The following ST13 variants were observed in gnomAD, a reference collection of about 807,000 sequenced individuals.
ST13 encodes the protein ST13 Hsp70 interacting protein.
ST13 carries 23 observed loss-of-function variants against 56.7 expected under a neutral mutation model. The ratio of observed to expected loss-of-function variants is 0.41; its 90% CI spans 0.29 to 0.57. The LOEUF is 0.57. Among genes scored for constraint, ST13 ranks in the 20% least tolerant of loss-of-function variants. The pLI, the probability that ST13 is intolerant of heterozygous loss-of-function variation, is 0.36. For synonymous variants in ST13, 132 were observed against 142.4 expected (o/e 0.93, Z 0.52); for missense variants, 369 against 459.9 (o/e 0.80, Z 1.81).
intron 3 of ST13, among the ~76,000 whole-genome samples, chr22:40,846,140 T>TA (rs2057830069): frequency 6.6e-6 from 1 of 152,152 alleles, no homozygotes; most frequent in Non-Finnish European, 1.5e-5. Flanking sequence ...TTCTCCATGT[T>TA]AGTCAGGCTG....
intron 5 of ST13, among the ~76,000 whole-genome samples, chr22:40,837,307 C>A (rs1228805082): frequency 6.6e-6 from 1 of 152,158 alleles, no homozygotes; most frequent in African/African-American, 2.4e-5. Context: ...ATGTTCAAAA[C>A]CTAAATTTTT....
chr22:40,856,281 C>T (rs1295693230), intron 1 of ST13, 150 bp downstream of exon 1: 2 of 674,474 alleles, frequency 3.0e-6, no homozygotes, highest in South Asian at 1.8e-5. Flanking sequence ...GGCTCGCGAT[C>T]TTCCATGACC....
intron 9 of ST13, among the ~76,000 whole-genome samples, chr22:40,830,546 A>C (rs1261720352): frequency 6.6e-6 from 1 of 152,228 alleles, no homozygotes; most frequent in Non-Finnish European, 1.5e-5. Context: ...TCCTCAAAAG[A>C]TCAAACAATA....
intron 7 of ST13, among the ~76,000 whole-genome samples, chr22:40,833,253 T>C (rs1348158352): frequency 6.6e-6 from 1 of 152,124 alleles, no homozygotes; most frequent in East Asian, 1.9e-4. Flanking sequence ...AAGCAAATCC[T>C]AAACCTGAAT....
At position 40,829,627 on chromosome 22, in the gene ST13, T is replaced by A; in HGVS notation, c.846A>T (p.Pro282=). The stretch of plus-strand genomic sequence containing the variant: ...GTTTTAACTTTTCTTTAAATATACC[T>A]GGAAAAGAGCCATACTGAGCTCCTG... The part of the protein sequence containing the change: ...RQSGAQYGSF[P]GGFPGGMPGN... The change falls in exon 10 of 12, where the codon CCA becomes CCT. Residue 282 remains proline, a splice_region_variant and synonymous_variant. Transcript: ENST00000216218. 1 of 1,450,510 alleles carries A rather than the reference T, an allele frequency of 6.9e-7. No individual in the cohort carries two copies. The highest frequency in any genetic ancestry group is 1.6e-5 in the South Asian group (1 of 61,634). 89.9% of individuals were successfully genotyped at this position (1,450,510 alleles called of 1,614,324 possible). A position where few individuals can be genotyped will look rare whatever the true frequency, so the allele number is the denominator to read the frequency against.
chr22:40,848,536 T>TC (rs1392371395), intron 2 of ST13, among the ~76,000 whole-genome samples, 167 bp from the exon 3 acceptor site: 2 of 152,054 alleles, frequency 1.3e-5, no homozygotes, highest in African/African-American at 4.8e-5. Context: ...CATTTGAGGT[T>TC]AGGAGTTCAA....
At chr22:40,833,427 C>T (rs1429983077) in intron 7 of ST13, among the ~76,000 whole-genome samples, 2 of 151,448 alleles carry the variant, frequency 1.3e-5, no homozygotes, top group African/African-American at 2.4e-5. Flanking sequence ...AAACCAGGCG[C>T]GGTGGCAGGC....
At chr22:40,828,675 G>GT (rs1408329321) in intron 10 of ST13, among the ~76,000 whole-genome samples, 2 of 151,990 alleles carry the variant, frequency 1.3e-5, no homozygotes, top group Non-Finnish European at 2.9e-5. Flanking sequence ...AAGGGTCACT[G>GT]TAAGTAAAGC....
At chr22:40,833,861 T>A (rs2057765364) in intron 7 of ST13, among the ~76,000 whole-genome samples, 1 of 150,866 alleles carries the variant, frequency 6.6e-6, no homozygotes, top group South Asian at 2.1e-4. Context: ...GCAAAATGCC[T>A]CAAAACAAAA....
chr22:40,856,040 T>C (rs945290821), intron 1 of ST13, among the ~76,000 whole-genome samples: 3 of 152,178 alleles, frequency 2.0e-5, no homozygotes, highest in Non-Finnish European at 4.4e-5. Context: ...AAAGGAATAG[T>C]GCGTAAAGGA....
intron 2 of ST13, among the ~76,000 whole-genome samples, chr22:40,849,336 G>T (rs957931051): frequency 1.3e-5 from 2 of 151,966 alleles, no homozygotes; most frequent in South Asian, 2.1e-4. Context: ...AAATTAGCCG[G>T]ACGTGGTGGT....
At chr22:40,832,783 T>C in intron 7 of ST13, 112 bp from the exon 8 acceptor site, 1 of 767,958 alleles carries the variant, frequency 1.3e-6, no homozygotes, top group Non-Finnish European at 2.1e-6. Flanking sequence ...TTAAGTTAAA[T>C]ATTAACTATA....
At chr22:40,834,669 C>T (rs1270747978) in intron 7 of ST13, among the ~76,000 whole-genome samples, 1 of 152,138 alleles carries the variant, frequency 6.6e-6, no homozygotes, top group Admixed American at 6.5e-5. Flanking sequence ...CGATTTCCCA[C>T]AGAAATAGCT....
chr22:40,826,608 T>C lies in ST13; in HGVS notation c.1040A>G (p.Lys347Arg). Residue 347 changes from lysine to arginine, a missense_variant, in exon 12 of 12, where the codon AAA becomes AGA. By Grantham distance (26) the Lys-to-Arg change is conservative. Transcript: ENST00000216218. ...CATAACCTTTGGGTTGCTCTGGTATTTTGACATATTTGCTGGGTTCTGAGC... is the reference window on the plus strand; with the variant it reads ...CATAACCTTTGGGTTGCTCTGGTATCTTGACATATTTGCTGGGTTCTGAGC... ...DVAQNPANMS[K>R]YQSNPKVMNL... 5.6e-6 allele frequency: 9 copies of C among 1,605,842 alleles called. No individual in the cohort carries two copies. The highest frequency in any genetic ancestry group is 6.8e-6 in the Non-Finnish European group (8 of 1,179,762).
intron 10 of ST13, among the ~76,000 whole-genome samples, chr22:40,828,214 T>A (rs1008894033): frequency 1.3e-5 from 2 of 152,234 alleles, no homozygotes; most frequent in Non-Finnish European, 2.9e-5. Context: ...TCTCTCAGTA[T>A]AATTTGTTCG....
At position 40,824,588 on chromosome 22, in the gene ST13, G is replaced by T. The variant is rs2057719170; in HGVS notation, c.*1950C>A. ...TGGAATTTAAAAATCTAAAAGCACAGGACACATTTTCAGAAGAGGAATTTT... is the reference window on the plus strand; with the variant it reads ...TGGAATTTAAAAATCTAAAAGCACATGACACATTTTCAGAAGAGGAATTTT... On this transcript the variant is annotated 3_prime_UTR_variant, in exon 12 of 12. Coordinates refer to ENST00000216218, the MANE Select transcript of ST13 (RefSeq NM_003932.5). 6.6e-6 allele frequency: 1 copy of T among 152,070 alleles called. No individual in the cohort carries two copies. Among genetic ancestry groups the T allele is most frequent in the East Asian group, 1.9e-4 (1 of 5,194 alleles). The allele number at this position is 152,070 out of a possible 1,614,324, so 9.4% of individuals were successfully genotyped here. A position where few individuals can be genotyped will look rare whatever the true frequency, so the allele number is the denominator to read the frequency against.
rs532321522 is a variant in ST13 at position 40,840,560 on chromosome 22, C to G, written c.382+66G>C. On this transcript the variant is annotated intron_variant, in intron 5 of 11. Transcript: ENST00000216218. ...TACATGTAACTTCTCTTCTACTTTA[C>G]CACTATTTAAGTTACTGCAATAAAT... The G allele has an allele frequency of 8.5e-4, 1,180 of 1,393,660 alleles. 1 individual carries two copies. The highest frequency in any genetic ancestry group is 1.2e-3 in the Non-Finnish European group (1,141 of 988,450). 86.3% of individuals were successfully genotyped at this position (1,393,660 alleles called of 1,614,324 possible). A position where few individuals can be genotyped will look rare whatever the true frequency, so the allele number is the denominator to read the frequency against.
At position 40,856,590 on chromosome 22, in the gene ST13, C is replaced by A. The variant is rs552357300; in HGVS notation, c.-50G>T. 17 of 1,516,524 alleles carry A rather than the reference C, an allele frequency of 1.1e-5. No individual in the cohort carries two copies. Among genetic ancestry groups the A allele is most frequent in the South Asian group, 6.7e-5 (6 of 89,086 alleles). 93.9% of individuals were successfully genotyped at this position (1,516,524 alleles called of 1,614,324 possible). On this transcript the variant is annotated 5_prime_UTR_variant, in exon 1 of 12. Coordinates refer to ENST00000216218, the MANE Select transcript of ST13 (RefSeq NM_003932.5). ...GGGGGGGCTACGGCCCGGTTCCAGG[C>A]CCAGGCGCTGGCTCGGCGTGACCGC...
At chr22:40,843,884 ATTT>A (rs11308730) in intron 4 of ST13, among the ~76,000 whole-genome samples, 32 of 143,976 alleles carry the variant, frequency 2.2e-4, no homozygotes, top group African/African-American at 6.6e-4. Context: ...AGGAAAATGC[ATTT>A]TTTTTTTTTT....
Sources: gnomAD v4.1 joint callset for allele counts (sites outside exome capture counted in the v4.1 genomes callset) on GRCh38, gnomAD v4.1.1 for gene constraint, MANE v1.5 for transcripts, NCBI Gene and HGNC (gene_info 2026-07-23, HGNC 2026-07-21) for gene names.